Variants in CYP4X1 observed in about 807,000 individuals in gnomAD.
The protein encoded by CYP4X1 is cytochrome P450 4X1.
In CYP4X1, 44 loss-of-function variants were observed where a neutral mutation model predicts 57.9. The observed-to-expected ratio is 0.76, with a 90% confidence interval of 0.60 to 0.98. The LOEUF (loss-of-function observed/expected upper bound fraction) is 0.98, where lower values mean the gene tolerates loss of function less well. Among genes scored for constraint, CYP4X1 ranks in the 50% least tolerant of loss-of-function variants. The probability of loss-of-function intolerance (pLI) is 0.00; values close to 1 mark genes in which losing one functional copy is unlikely to be tolerated. For missense variants in CYP4X1, 532 were observed against 623.9 expected, an observed-to-expected ratio of 0.85 and a Z score of 1.57; for synonymous variants, 227 against 228.6, an observed-to-expected ratio of 0.99 and a Z score of 0.06.
At chr1:47,011,919 G>T in the CYP4X1 span, among the ~76,000 whole-genome samples, 7 of 152,336 alleles carry the variant, frequency 4.6e-5, no homozygotes, top group East Asian at 1.2e-3. Context: ...ACAGGTGCTG[G>T]AGAGGAGGTG....
chr1:47,022,862 G>A (rs899472691), upstream of CYP4X1, among the ~76,000 whole-genome samples: 3 of 152,200 alleles, frequency 2.0e-5, no homozygotes, highest in African/African-American at 4.8e-5. Context: ...CTGGGACAGG[G>A]AGGTGGGGGG....
Position 47,031,422 on chromosome 1 carries a change from G to C in CYP4X1, c.320-14G>C. 2 of 1,613,828 alleles carry C rather than the reference G, an allele frequency of 1.2e-6. No individual in the cohort carries two copies. The highest frequency in any genetic ancestry group is 2.2e-5 in the South Asian group (2 of 91,012). ...TCTAATGATGTCTTTTGTTTCCTCT[G>C]CTTGACTCTGCAGATCCCAAGTCCC... On this transcript the variant is annotated splice_polypyrimidine_tract_variant and intron_variant, in intron 2 of 11. Coordinates refer to ENST00000371901, the MANE Select transcript of CYP4X1 (RefSeq NM_178033.2).
the CYP4X1 span, among the ~76,000 whole-genome samples, chr1:46,962,533 G>T: frequency 6.6e-6 from 1 of 152,144 alleles, no homozygotes; most frequent in Non-Finnish European, 1.5e-5. Context: ...GTAGTCCATG[G>T]CAAAGAAGTT....
At chr1:47,049,312 A>G (rs1644335986) in intron 10 of CYP4X1, 110 bp from the exon 11 acceptor site, 2 of 784,332 alleles carry the variant, frequency 2.5e-6, no homozygotes, top group Non-Finnish European at 4.1e-6. Context: ...AACATTTTAA[A>G]TTACACATGT....
rs925011201 is a variant in CYP4X1, at chr1:47,027,156, C to T, written c.178-2834C>T. 3.3e-5 allele frequency among the ~76,000 whole-genome samples: 5 copies of T among 151,732 alleles called. 1 individual carries two copies. Among genetic ancestry groups the T allele is most frequent in the Admixed American group, 3.3e-4 (5 of 15,252 alleles). ...TCATAGTGTTTTAGAGTCCACATTC[C>T]CTCTTGACTGTCACTAAGTTTTTTT... On this transcript the variant is annotated intron_variant, in intron 1 of 11. Transcript: ENST00000371901.
upstream of CYP4X1, among the ~76,000 whole-genome samples, chr1:47,023,139 T>G (rs1292034530): frequency 6.6e-6 from 1 of 152,252 alleles, no homozygotes; most frequent in Non-Finnish European, 1.5e-5. Context: ...TCCCGCATTT[T>G]CATTTTGCAC....
the CYP4X1 span, among the ~76,000 whole-genome samples, chr1:47,011,195 G>C: frequency 6.6e-6 from 1 of 152,132 alleles, no homozygotes; most frequent in Non-Finnish European, 1.5e-5. Flanking sequence ...GCATGGTACT[G>C]GTACCAAAAC....
upstream of CYP4X1, chr1:47,023,630 G>C: frequency 7.6e-7 from 1 of 1,323,400 alleles, no homozygotes; most frequent in Non-Finnish European, 9.6e-7. Flanking sequence ...TCCCGCACGC[G>C]CGCCTGCCTC....
chr1:46,979,566 G>A, the CYP4X1 span, among the ~76,000 whole-genome samples: 5 of 152,086 alleles, frequency 3.3e-5, no homozygotes, highest in African/African-American at 9.7e-5. Flanking sequence ...AGCTGGTACT[G>A]TTCCTTCTGA....
At chr1:47,053,938 C>T (rs962074128), downstream of CYP4X1, among the ~76,000 whole-genome samples, 7 of 152,120 alleles carry the variant, frequency 4.6e-5, no homozygotes, top group African/African-American at 1.7e-4. Context: ...TCCCATTTGT[C>T]AATTTTGGCT....
At chr1:46,973,784 C>A in the CYP4X1 span, among the ~76,000 whole-genome samples, 1 of 151,882 alleles carries the variant, frequency 6.6e-6, no homozygotes, top group Non-Finnish European at 1.5e-5. Context: ...TCTGTCATTT[C>A]TGATTGTGTT....
chr1:46,964,578 G>T, the CYP4X1 span, among the ~76,000 whole-genome samples: 1 of 152,198 alleles, frequency 6.6e-6, no homozygotes, highest in Non-Finnish European at 1.5e-5. Flanking sequence ...AGCAGATGTT[G>T]CTGCCTGATC....
chr1:46,965,141 C>T, the CYP4X1 span, among the ~76,000 whole-genome samples: 1 of 152,294 alleles, frequency 6.6e-6, no homozygotes. Context: ...ATCTGTCACC[C>T]CTTTCCTTGG....
chr1:46,997,327 G>A, the CYP4X1 span, among the ~76,000 whole-genome samples: 70 of 152,268 alleles, frequency 4.6e-4, no homozygotes, highest in South Asian at 0.014. Flanking sequence ...CACCAAGATA[G>A]TGAACATAGT....
chr1:46,994,946 T>C, the CYP4X1 span, among the ~76,000 whole-genome samples: 7 of 152,042 alleles, frequency 4.6e-5, no homozygotes, highest in Admixed American at 4.6e-4. Context: ...TACAGAGGAG[T>C]AGAAACTTCT....
chr1:47,034,649 T>C (rs1250750208), intron 4 of CYP4X1, among the ~76,000 whole-genome samples: 8 of 151,908 alleles, frequency 5.3e-5, no homozygotes, highest in Admixed American at 5.2e-4. Context: ...TCAGTGTGAG[T>C]TCTCAAGGCA....
At chr1:47,021,963 T>G (rs1208795045), upstream of CYP4X1, among the ~76,000 whole-genome samples, 1 of 152,154 alleles carries the variant, frequency 6.6e-6, no homozygotes, top group Non-Finnish European at 1.5e-5. Flanking sequence ...GGGCAGAGCA[T>G]GGATCTGAGG....
chr1:47,035,684 G>T (rs1162494613), intron 4 of CYP4X1, 122 bp from the exon 5 acceptor site: 14 of 1,402,138 alleles, frequency 1.0e-5, no homozygotes, highest in Non-Finnish European at 1.3e-5. Context: ...GTGATCTTTG[G>T]TTCCTGCTGG....
the CYP4X1 span, among the ~76,000 whole-genome samples, chr1:46,969,838 T>C: frequency 6.6e-6 from 1 of 152,242 alleles, no homozygotes; most frequent in African/African-American, 2.4e-5. Flanking sequence ...TATAGGACTA[T>C]GGTACAGAGA....
Sources: gnomAD v4.1 joint callset for allele counts (sites outside exome capture counted in the v4.1 genomes callset) on GRCh38, gnomAD v4.1.1 for gene constraint, MANE v1.5 for transcripts, NCBI Gene and HGNC (gene_info 2026-07-23, HGNC 2026-07-21) for gene names.